Variants in METAP1D observed in about 807,000 individuals in gnomAD.
METAP1D encodes the protein methionyl aminopeptidase type 1D, mitochondrial, also known as methionine aminopeptidase 1D, mitochondrial.
A neutral mutation model predicts 40.5 loss-of-function variants in METAP1D; 31 were observed. That is an observed-to-expected ratio of 0.77 (90% CI 0.58 to 1.03). METAP1D has a LOEUF of 1.03. Ranked by LOEUF, METAP1D falls within the 50% of genes least tolerant of loss-of-function variation. The pLI is 0.00. For missense variants in METAP1D, 411 were observed against 420.7 expected (o/e 0.98, Z 0.20); for synonymous variants, 151 against 146.4 (o/e 1.03, Z -0.22).
At chr2:172,016,310 T>A (rs867734967) in intron 1 of METAP1D, among the ~76,000 whole-genome samples, 1,137 of 78,254 alleles carry the variant, frequency 0.015, 12 homozygotes, top group Non-Finnish European at 0.021. Flanking sequence ...AATATATATA[T>A]ATATATATAT....
At chr2:172,009,398 C>G (rs1289223385) in intron 1 of METAP1D, among the ~76,000 whole-genome samples, 1 of 151,976 alleles carries the variant, frequency 6.6e-6, no homozygotes, top group African/African-American at 2.4e-5. Context: ...AACTGAAACT[C>G]TTATCTAAGA....
At chr2:172,012,304 A>T (rs1438759217) in intron 1 of METAP1D, among the ~76,000 whole-genome samples, 4 of 152,182 alleles carry the variant, frequency 2.6e-5, no homozygotes, top group Non-Finnish European at 4.4e-5. Flanking sequence ...CTCTGTGCAT[A>T]GCAGCTGTTC....
chr2:172,002,140 ACT>A (rs1447148796), intron 1 of METAP1D, among the ~76,000 whole-genome samples: 3 of 151,638 alleles, frequency 2.0e-5, no homozygotes, highest in African/African-American at 7.3e-5. Flanking sequence ...TGGCTTTTAG[ACT>A]TCATTTTTGT....
At chr2:172,003,208 G>C (rs1688503353) in intron 1 of METAP1D, among the ~76,000 whole-genome samples, 1 of 152,136 alleles carries the variant, frequency 6.6e-6, no homozygotes, top group Admixed American at 6.5e-5. Context: ...GGAACCAAGA[G>C]AGAAGGTAAC....
At chr2:172,074,363 C>T (rs777702597) in intron 6 of METAP1D, among the ~76,000 whole-genome samples, 6 of 152,084 alleles carry the variant, frequency 3.9e-5, no homozygotes, top group East Asian at 1.9e-4. Flanking sequence ...TATTAGATTA[C>T]GCACATTTAA....
At chr2:172,077,209 A>ATC (rs1371879338) in intron 6 of METAP1D, among the ~76,000 whole-genome samples, 1 of 152,220 alleles carries the variant, frequency 6.6e-6, no homozygotes, top group South Asian at 2.1e-4. Flanking sequence ...CTCTCAAATG[A>ATC]TCTCACGGTT....
intron 1 of METAP1D, among the ~76,000 whole-genome samples, chr2:172,055,787 T>C (rs1378750487): frequency 2.0e-5 from 3 of 152,228 alleles, no homozygotes; most frequent in Non-Finnish European, 1.5e-5. Context: ...GAAAGTGAAA[T>C]TGCTGAATAC....
intron 5 of METAP1D, among the ~76,000 whole-genome samples, chr2:172,069,545 C>A (rs1690372294): frequency 6.6e-6 from 1 of 152,090 alleles, no homozygotes; most frequent in African/African-American, 2.4e-5. Context: ...TTAATAGTTT[C>A]ATTATTAACA....
At chr2:172,016,165 A>C (rs1387508795) in intron 1 of METAP1D, among the ~76,000 whole-genome samples, 1 of 143,692 alleles carries the variant, frequency 7.0e-6, no homozygotes, top group Non-Finnish European at 1.5e-5. Context: ...AATCCCAGCT[A>C]CTTAAGAGGC....
chr2:172,048,262 A>G (rs1413136108), intron 1 of METAP1D, among the ~76,000 whole-genome samples: 1 of 152,208 alleles, frequency 6.6e-6, no homozygotes, highest in Non-Finnish European at 1.5e-5. Flanking sequence ...TCCAAGGCAC[A>G]TTTTAAAATT....
chr2:172,040,746 C>CTTTTTTTTTT, intron 1 of METAP1D, among the ~76,000 whole-genome samples: 1 of 117,224 alleles, frequency 8.5e-6, no homozygotes, highest in East Asian at 2.6e-4. Context: ...TTCAGGCCCT[C>CTTTTTTTTTT]TTTTTTTTTT....
intron 1 of METAP1D, among the ~76,000 whole-genome samples, chr2:172,009,718 C>T (rs1688666735): frequency 1.3e-5 from 2 of 152,118 alleles, no homozygotes; most frequent in Non-Finnish European, 2.9e-5. Context: ...GAGATGGTGT[C>T]TCCATTTTAA....
In METAP1D at chr2:172,045,813, GTGTGTGTATA is replaced by G. The variant is rs1213116463; in HGVS notation, c.41-15683_41-15674del. Among the ~76,000 whole-genome samples, 244 of 39,266 alleles carry G rather than the reference GTGTGTGTATA, an allele frequency of 6.2e-3. 3 individuals are homozygous for G. The highest frequency in any genetic ancestry group is 0.017 in the African/African-American group (185 of 11,140). 25.8% of individuals were successfully genotyped at this position (39,266 alleles called of 152,430 possible). ...TATGTATATATGTGTGTGTGTGTGTGTGTGTGTATATATATATATATATATATATATATAT... is the reference window on the plus strand; with the variant it reads ...TATGTATATATGTGTGTGTGTGTGTGTATATATATATATATATATATATAT... On this transcript the variant is annotated intron_variant, in intron 1 of 9. Transcript: ENST00000315796.
intron 2 of METAP1D, 117 bp downstream of exon 2, chr2:172,061,772 C>A: frequency 1.1e-6 from 1 of 904,954 alleles, no homozygotes; most frequent in Non-Finnish European, 1.6e-6. Flanking sequence ...AATTTTCAAA[C>A]TAGGTTTGTG....
At chr2:172,041,742 A>G (rs371484938) in intron 1 of METAP1D, among the ~76,000 whole-genome samples, 1 of 80,858 alleles carries the variant, frequency 1.2e-5, no homozygotes, top group South Asian at 4.6e-4. Flanking sequence ...ATATATATAT[A>G]TATATATATA....
chr2:172,029,550 A>G (rs967713649), intron 1 of METAP1D, among the ~76,000 whole-genome samples: 2 of 152,194 alleles, frequency 1.3e-5, no homozygotes, highest in East Asian at 1.9e-4. Flanking sequence ...TGACTAAGAG[A>G]AACTGTCAAT....
chr2:172,029,298 C>T (rs1375620506), intron 1 of METAP1D, among the ~76,000 whole-genome samples: 1 of 152,150 alleles, frequency 6.6e-6, no homozygotes, highest in African/African-American at 2.4e-5. Context: ...TAGTGCACGC[C>T]TGTGGTCCCA....
intron 1 of METAP1D, among the ~76,000 whole-genome samples, chr2:172,058,851 C>T (rs368885547): frequency 2.0e-5 from 3 of 152,160 alleles, no homozygotes; most frequent in South Asian, 2.1e-4. Context: ...CTGATCATTG[C>T]GGTTTGTTTG....
intron 4 of METAP1D, 150 bp from the exon 5 acceptor site, chr2:172,066,114 A>T: frequency 3.1e-6 from 2 of 636,552 alleles, no homozygotes; most frequent in Non-Finnish European, 5.3e-6. Flanking sequence ...TGAAATAAAG[A>T]TTAGATTTAG....
Sources: gnomAD v4.1 joint callset for allele counts (sites outside exome capture counted in the v4.1 genomes callset) on GRCh38, gnomAD v4.1.1 for gene constraint, MANE v1.5 for transcripts, NCBI Gene and HGNC (gene_info 2026-07-23, HGNC 2026-07-21) for gene names.